DIRAS3: variants seen among roughly 807,000 people sequenced by gnomAD.
DIRAS3 encodes DIRAS family GTPase 3.
For missense variants in DIRAS3, 248 were observed against 300.6 expected (o/e 0.83, Z 1.29); for synonymous variants, 133 against 131.4 (o/e 1.01, Z -0.08).
rs890434704 is a variant in DIRAS3, at chr1:68,045,997, T to A, written c.*611A>T. 2 of 152,274 alleles carry A rather than the reference T, an allele frequency of 1.3e-5. No homozygotes were observed. The highest frequency in any genetic ancestry group is 2.9e-5 in the Non-Finnish European group (2 of 68,064). The allele number at this position is 152,274 out of a possible 1,614,324, so 9.4% of individuals were successfully genotyped here. Reference sequence around the variant, plus strand: ...GAAAAGCTTTATTAAGTCAATAAGCTGTTACACTTTTACAAACTGCTATGC... The same window carrying A: ...GAAAAGCTTTATTAAGTCAATAAGCAGTTACACTTTTACAAACTGCTATGC... On this transcript the variant is annotated 3_prime_UTR_variant, in exon 2 of 2. Transcript: ENST00000646789.
At chr1:68,048,270 A>T (rs1489005966) in intron 1 of DIRAS3, among the ~76,000 whole-genome samples, 1 of 151,812 alleles carries the variant, frequency 6.6e-6, no homozygotes, top group East Asian at 1.9e-4. Flanking sequence ...TGAGTTCAGG[A>T]ATAAACATAG....
chr1:68,047,304 G>T lies in DIRAS3; in HGVS notation c.-7C>A, dbSNP rs769580672. The T allele has an allele frequency of 6.2e-7, 1 of 1,610,722 alleles. No homozygotes were observed. The highest frequency in any genetic ancestry group is 8.5e-7 in the Non-Finnish European group (1 of 1,178,114). Reference sequence around the variant, plus strand: ...CAAAGCTGGCGTTACCCATCGTTGGGATTCGGAGGGGAGATACGTGCACAA... The same window carrying T: ...CAAAGCTGGCGTTACCCATCGTTGGTATTCGGAGGGGAGATACGTGCACAA... On this transcript the variant is annotated 5_prime_UTR_variant, in exon 2 of 2. Transcript: ENST00000646789.
In DIRAS3 at chr1:68,050,424, G is replaced by A. The variant is rs1305575234; in HGVS notation, c.-66+124C>T. On this transcript the variant is annotated intron_variant, in intron 1 of 1. Transcript: ENST00000646789. This position sits in a 1 kb window ranked among gnomAD's most constrained non-coding sequence, Gnocchi z 4.5. The stretch of plus-strand genomic sequence containing the variant: ...GGTGGTTCTTGCGTAATCGCGCCAA[G>A]AAAGACCTGGTTCCAGTTTCAGGGA... 3 of 152,180 alleles carry A rather than the reference G, an allele frequency of 2.0e-5. No homozygotes were observed. Among genetic ancestry groups the A allele is most frequent in the Non-Finnish European group, 2.9e-5 (2 of 68,032 alleles). 9.4% of individuals were successfully genotyped at this position (152,180 alleles called of 1,614,324 possible). A position where few individuals can be genotyped will look rare whatever the true frequency, so the allele number is the denominator to read the frequency against.
chr1:68,047,982 C>T (rs1645689691), intron 1 of DIRAS3, among the ~76,000 whole-genome samples: 1 of 110,268 alleles, frequency 9.1e-6, no homozygotes, highest in Non-Finnish European at 1.7e-5. Context: ...AGGGAGGGGT[C>T]TTAGTTCATG....
rs1254752455 is a variant in DIRAS3, at chr1:68,046,895, A to G, written c.403T>C (p.Cys135Arg). 6.2e-7 allele frequency: 1 copy of G among 1,614,184 alleles called. No individual in the cohort carries two copies. The highest frequency in any genetic ancestry group is 1.3e-5 in the African/African-American group (1 of 75,058). Residue 135 changes from cysteine (C) to arginine (R), a missense_variant, in exon 2 of 2, where the codon TGC (cysteine) becomes CGC (arginine). By Grantham distance (180) the Cys-to-Arg change is radical. Transcript: ENST00000646789. ...EELKAFYELI[C>R]KIKGNNLHKF... ...TGCAGGTTGTTACCTTTGATCTTGC[A>G]GATCAGCTCATAGAAGGCCTTCAGC...
intron 1 of DIRAS3, among the ~76,000 whole-genome samples, chr1:68,048,042 AAAAAAAAATATATATAT>A (rs1376362642): frequency 2.9e-5 from 2 of 69,982 alleles, no homozygotes; most frequent in African/African-American, 6.4e-5. Flanking sequence ...AAAAAAAAAA[AAAAAAAAATATATATAT>A]ATATATATAT....
In DIRAS3 at chr1:68,050,345, A is replaced by G. The variant is rs924675861; in HGVS notation, c.-66+203T>C. Among the ~76,000 whole-genome samples, 1 of 152,128 alleles carries G rather than the reference A, an allele frequency of 6.6e-6. No individual in the cohort carries two copies. The highest frequency in any genetic ancestry group is 2.4e-5 in the African/African-American group (1 of 41,444). On this transcript the variant is annotated intron_variant, in intron 1 of 1. Transcript: ENST00000646789. This position sits in a 1 kb window ranked among gnomAD's most constrained non-coding sequence, Gnocchi z 4.5. The stretch of plus-strand genomic sequence containing the variant: ...TATATTAAAAAGTGCTAGCTTCCCA[A>G]CGGGACTATCCAAAGTGCAGTTGCA...
rs371529650 is a variant in DIRAS3, at chr1:68,047,078, A to T, written c.220T>A (p.Tyr74Asn). 10 of 1,614,068 alleles carry T rather than the reference A, an allele frequency of 6.2e-6. No homozygotes were observed. Among genetic ancestry groups the T allele is most frequent in the Non-Finnish European group, 6.8e-6 (8 of 1,180,030 alleles). Residue 74 changes from tyrosine (Y) to asparagine (N), a missense_variant, in exon 2 of 2, where the codon TAC (tyrosine) becomes AAC (asparagine). Transcript: ENST00000646789. ...HEYLPTIENTYCQLLGCSHGV... is the reference protein window; with the variant it reads ...HEYLPTIENTNCQLLGCSHGV... The stretch of plus-strand genomic sequence containing the variant: ...TGGCTGCAGCCCAGCAACTGGCAGT[A>T]GGTATTTTCAATGGTCGGCAGGTAC...
At chr1:68,049,960 A>ACCCCCCCCCCCCCCC (rs576801046) in intron 1 of DIRAS3, among the ~76,000 whole-genome samples, 1 of 106,032 alleles carries the variant, frequency 9.4e-6, no homozygotes, top group African/African-American at 4.1e-5. Context: ...CAGGCAGTGG[A>ACCCCCCCCCCCCCCC]CCCCCCCCCC....
Position 68,046,961 on chromosome 1 carries a change from C to T in DIRAS3, c.337G>A (p.Val113Ile), listed in dbSNP as rs1570737043. Residue 113 changes from valine (V) to isoleucine (I), a missense_variant, in exon 2 of 2, where the codon GTC becomes ATC. Coordinates refer to ENST00000646789, the MANE Select transcript of DIRAS3 (RefSeq NM_004675.5). ...TTCTTGGTGACTGAGTAGACCAGGA[C>T]GAAGGCGTGGCCCCGGGCTATAACG... ...RHVIARGHAF[V>I]LVYSVTKKET... 4 of 1,614,200 alleles carry T rather than the reference C, an allele frequency of 2.5e-6. No homozygotes were observed. The highest frequency in any genetic ancestry group is 3.4e-6 in the Non-Finnish European group (4 of 1,180,038).
chr1:68,049,349 TCATCTAATATTAAGTAATGA>T (rs1291511856), intron 1 of DIRAS3: 2 of 152,262 alleles, frequency 1.3e-5, no homozygotes, highest in African/African-American at 4.8e-5. Context: ...TTAGTTGATA[TCATCTAATATTAAGTAATGA>T]CATCAGCTAT....
At position 68,049,966 on chromosome 1, in the gene DIRAS3, C is replaced by CCA. The variant is rs1326739762; in HGVS notation, c.-66+581_-66+582insTG. ...TCTCATTCTCAGGCAGTGGACCCCC[C>CCA]CCCCCACTCCCCTCCACACTCCTTC... On this transcript the variant is annotated intron_variant, in intron 1 of 1. Coordinates refer to ENST00000646789, the MANE Select transcript of DIRAS3 (RefSeq NM_004675.5). Among the ~76,000 whole-genome samples the CCA allele has an allele frequency of 2.5e-4, 37 of 148,538 alleles. 1 individual carries two copies. Among genetic ancestry groups the CCA allele is most frequent in the African/African-American group, 8.9e-4 (34 of 38,372 alleles).
chr1:68,048,049 A>AATATATAT (rs57871159), intron 1 of DIRAS3, among the ~76,000 whole-genome samples: 447 of 7,250 alleles, frequency 0.062, 45 homozygotes, highest in Middle Eastern at 0.25. Context: ...AAAAAAAAAA[A>AATATATAT]ATATATATAT....
rs540838177 is a variant in DIRAS3, at chr1:68,050,254, A to T, written c.-66+294T>A. On this transcript the variant is annotated intron_variant, in intron 1 of 1. Coordinates refer to ENST00000646789, the MANE Select transcript of DIRAS3 (RefSeq NM_004675.5). This position sits in a 1 kb window ranked among gnomAD's most constrained non-coding sequence, Gnocchi z 4.5. ...ATTACTTCCTGAACACTAGCTACCTACGCAGCTGTAATAGTGGACACTGTG... is the reference window on the plus strand; with the variant it reads ...ATTACTTCCTGAACACTAGCTACCTTCGCAGCTGTAATAGTGGACACTGTG... 2.0e-5 allele frequency among the ~76,000 whole-genome samples: 3 copies of T among 152,282 alleles called. No individual in the cohort carries two copies. In the South Asian group the frequency reaches 6.2e-4, roughly 32 times the overall value.
chr1:68,048,537 T>C (rs1054176366), intron 1 of DIRAS3, among the ~76,000 whole-genome samples: 2 of 152,170 alleles, frequency 1.3e-5, no homozygotes, highest in East Asian at 1.9e-4. Context: ...CAGGTACAGC[T>C]ATGATTGTGT....
chr1:68,050,072 C>T lies in DIRAS3; in HGVS notation c.-66+476G>A, dbSNP rs1246363551. On this transcript the variant is annotated intron_variant, in intron 1 of 1. Coordinates refer to ENST00000646789, the MANE Select transcript of DIRAS3 (RefSeq NM_004675.5). The surrounding 1 kb of genome is among the most constrained non-coding windows in gnomAD (Gnocchi z 4.5). ...CCAGAGGGCGTCCAAACCCAGCGGC[C>T]GTGCGGAGCTCAAGGTCCCGCCGCT... Among the ~76,000 whole-genome samples, 1 of 151,808 alleles carries T rather than the reference C, an allele frequency of 6.6e-6. No homozygotes were observed. The highest frequency in any genetic ancestry group is 6.6e-5 in the Admixed American group (1 of 15,244).
intron 1 of DIRAS3, among the ~76,000 whole-genome samples, chr1:68,048,766 G>T (rs1486088786): frequency 4.7e-5 from 7 of 148,358 alleles, no homozygotes; most frequent in Non-Finnish European, 1.0e-4. Flanking sequence ...TTGAGTCAGG[G>T]TCTTGCTCTG....
At position 68,046,872 on chromosome 1, in the gene DIRAS3, C is replaced by T. The variant is rs1031312142; in HGVS notation, c.426G>A (p.Leu142=). 6 of 1,614,084 alleles carry T rather than the reference C, an allele frequency of 3.7e-6. No individual in the cohort carries two copies. Among genetic ancestry groups the T allele is most frequent in the Non-Finnish European group, 5.1e-6 (6 of 1,180,048 alleles). The part of the protein sequence containing the change: ...ELICKIKGNN[L]HKFPIVLVGN... ...CCACCAGCACGATGGGGAACTTATG[C>T]AGGTTGTTACCTTTGATCTTGCAGA... The change falls in exon 2 of 2, where the codon CTG becomes CTA. Residue 142 remains leucine (L), a synonymous_variant. Coordinates refer to ENST00000646789, the MANE Select transcript of DIRAS3 (RefSeq NM_004675.5).
chr1:68,049,662 T>A (rs1645712768), intron 1 of DIRAS3: 1 of 152,210 alleles, frequency 6.6e-6, no homozygotes, highest in South Asian at 2.1e-4. Context: ...CATTAGGAAA[T>A]GTGCATTACT....
Sources: gnomAD v4.1 joint callset for allele counts (sites outside exome capture counted in the v4.1 genomes callset) on GRCh38, gnomAD v4.1.1 for gene constraint, Gnocchi (gnomAD v3.1) non-coding constraint, MANE v1.5 for transcripts, NCBI Gene and HGNC (gene_info 2026-07-23, HGNC 2026-07-21) for gene names.